Variants in BAZ1B observed in about 807,000 individuals in gnomAD.
BAZ1B encodes bromodomain adjacent to zinc finger domain 1B.
In BAZ1B, 22 loss-of-function variants were observed where a neutral mutation model predicts 153.8. The observed-to-expected ratio is 0.14, with a 90% CI of 0.10 to 0.20. The LOEUF (loss-of-function observed/expected upper bound fraction) is 0.20. Among genes scored for constraint, BAZ1B ranks in the 10% least tolerant of loss-of-function variants. The pLI, the probability that BAZ1B is intolerant of heterozygous loss-of-function variation, is 1.00. For missense variants in BAZ1B, 1,325 were observed against 1,799.3 expected (o/e 0.74, Z 4.77); for synonymous variants, 676 against 633.4 (o/e 1.07, Z -1.01).
chr7:73,444,132 G>A lies in BAZ1B; in HGVS notation c.3845-3C>T, dbSNP rs1330457628. 2 of 1,587,654 alleles carry A rather than the reference G, an allele frequency of 1.3e-6. No individual in the cohort carries two copies. The highest frequency in any genetic ancestry group is 1.7e-6 in the Non-Finnish European group (2 of 1,169,054). On this transcript the variant is annotated splice_polypyrimidine_tract_variant and splice_region_variant and intron_variant, in intron 16 of 19. Transcript: ENST00000339594. Reference sequence around the variant, plus strand: ...CCGGATGGTCTTTCGAGGTCTCACTGAAAGAAAAACTATGGATTCAGCAGA... The same window carrying A: ...CCGGATGGTCTTTCGAGGTCTCACTAAAAGAAAAACTATGGATTCAGCAGA...
chr7:73,477,811 T>C lies in BAZ1B; in HGVS notation c.1650A>G (p.Lys550=), dbSNP rs201081359. Residue 550 remains lysine, a synonymous_variant, in exon 7 of 20, where the codon AAA becomes AAG. Coordinates refer to ENST00000339594, the MANE Select transcript of BAZ1B (RefSeq NM_032408.4). The surrounding 1 kb of genome is among the most constrained non-coding windows in gnomAD (Gnocchi z 5.6). ...TCAACTTCTTTTTCAGCTCCTCCCGTTTCTTTTTCAAATATTCTTTCCGTT... is the reference window on the plus strand; with the variant it reads ...TCAACTTCTTTTTCAGCTCCTCCCGCTTCTTTTTCAAATATTCTTTCCGTT... The part of the protein sequence containing the change: ...EEQRKEYLKK[K]REELKKKLKE... 8 of 1,614,040 alleles carry C rather than the reference T, an allele frequency of 5.0e-6. No individual in the cohort carries two copies. Among genetic ancestry groups the C allele is most frequent in the Non-Finnish European group, 8.5e-7 (1 of 1,180,016 alleles).
chr7:73,483,994 G>A (rs73134942), intron 6 of BAZ1B, among the ~76,000 whole-genome samples: 7,390 of 152,266 alleles, frequency 0.049, 208 homozygotes, highest in Non-Finnish European at 0.065. Context: ...CAGGCCGGGT[G>A]TGGTGGCTCA....
rs1554570057 is a variant in BAZ1B, at chr7:73,459,600, T to G, written c.3368A>C (p.Gln1123Pro). The change falls in exon 13 of 20, where the codon CAA (glutamine) becomes CCA (proline). Residue 1123 changes from glutamine (Q) to proline (P), a missense_variant. This residue lies in a region of BAZ1B where 431 missense variants were observed against 563.5 expected (regional missense o/e 0.76). Coordinates refer to ENST00000339594, the MANE Select transcript of BAZ1B (RefSeq NM_032408.4). ...MAPKQKRRKL[Q>P]SEDSAKTEEV... ...CTCAGTTTTTGCTGAATCTTCACTTTGGAGTTTTCTTCTCTTTTGCTTGGG... is the reference window on the plus strand; with the variant it reads ...CTCAGTTTTTGCTGAATCTTCACTTGGGAGTTTTCTTCTCTTTTGCTTGGG... The G allele has an allele frequency of 6.2e-7, 1 of 1,614,038 alleles. No homozygotes were observed. Among genetic ancestry groups the G allele is most frequent in the Non-Finnish European group, 8.5e-7 (1 of 1,180,042 alleles).
chr7:73,444,019 C>A lies in BAZ1B; in HGVS notation c.3955G>T (p.Ala1319Ser). Residue 1319 changes from alanine (A) to serine (S), a missense_variant, in exon 17 of 20, where the codon GCA becomes TCA. Around this residue, in one of 9 missense-constraint regions of BAZ1B, gnomAD observed 271 missense variants for 337.2 expected, o/e 0.80. Coordinates refer to ENST00000339594, the MANE Select transcript of BAZ1B (RefSeq NM_032408.4). Reference sequence around the variant, plus strand: ...ACCTCAGCATCATCCACAGGTGGTGCCTTGGGCTGAGACCTCCTGGTAGAG... The same window carrying A: ...ACCTCAGCATCATCCACAGGTGGTGACTTGGGCTGAGACCTCCTGGTAGAG... ...PHSTRRSQPK[A>S]PPVDDAEVDE... is the part of the protein sequence containing the mutation. The A allele has an allele frequency of 1.2e-6, 2 of 1,613,810 alleles. No homozygotes were observed. Among genetic ancestry groups the A allele is most frequent in the Non-Finnish European group, 1.7e-6 (2 of 1,179,896 alleles).
chr7:73,497,113 C>T (rs1554576485), intron 4 of BAZ1B, among the ~76,000 whole-genome samples: 1 of 140,792 alleles, frequency 7.1e-6, no homozygotes, highest in Non-Finnish European at 1.5e-5. Context: ...TGTGGTGGTG[C>T]ATGCCTACGG....
chr7:73,509,229 G>A (rs150458175), intron 2 of BAZ1B, among the ~76,000 whole-genome samples: 143 of 151,976 alleles, frequency 9.4e-4, no homozygotes, highest in Non-Finnish European at 1.7e-3. Context: ...GGCTGAGGCA[G>A]GAGAATCACT....
chr7:73,493,803 C>A (rs1789754557), intron 4 of BAZ1B, among the ~76,000 whole-genome samples: 2 of 145,304 alleles, frequency 1.4e-5, no homozygotes, highest in Non-Finnish European at 3.0e-5. Flanking sequence ...CTTGCGACTG[C>A]ACTCCACACT....
Position 73,522,169 on chromosome 7 carries a change from C to A in BAZ1B, c.-236G>T, listed in dbSNP as rs1791088821. The A allele has an allele frequency of 5.1e-6, 2 of 395,386 alleles. No homozygotes were observed. Among genetic ancestry groups the A allele is most frequent in the South Asian group, 2.6e-4 (2 of 7,830 alleles). The allele number at this position is 395,386 out of a possible 1,614,324, so 24.5% of individuals were successfully genotyped here. ...ACCGCCGCGCCTCCCAGCAGCCCCCCGCCGACCTCCGCTTCGGGTCCCGGC... is the reference window on the plus strand; with the variant it reads ...ACCGCCGCGCCTCCCAGCAGCCCCCAGCCGACCTCCGCTTCGGGTCCCGGC... On this transcript the variant is annotated 5_prime_UTR_variant, in exon 1 of 20. Transcript: ENST00000339594.
chr7:73,508,006 A>G (rs1393162022), intron 3 of BAZ1B, among the ~76,000 whole-genome samples: 1 of 151,488 alleles, frequency 6.6e-6, no homozygotes, highest in Non-Finnish European at 1.5e-5. Context: ...AATACAAAAA[A>G]CTAGCCGGGC....
At chr7:73,469,175 T>C (rs564768364) in intron 9 of BAZ1B, among the ~76,000 whole-genome samples, 2 of 150,566 alleles carry the variant, frequency 1.3e-5, no homozygotes, top group East Asian at 3.9e-4. Context: ...CATCTAACAC[T>C]GCCCTTCTTA....
intron 12 of BAZ1B, chr7:73,462,717 C>G (rs1788436086): frequency 1.7e-6 from 1 of 579,690 alleles, no homozygotes; most frequent in African/African-American, 1.9e-5. Context: ...AAGCCAATTA[C>G]TAAGTTTTTC....
intron 1 of BAZ1B, among the ~76,000 whole-genome samples, chr7:73,512,008 A>G (rs1360521138): frequency 2.2e-5 from 3 of 134,708 alleles, no homozygotes; most frequent in Admixed American, 7.8e-5. Context: ...AGCCTGGGTG[A>G]TAAGAGCGAA....
chr7:73,508,514 T>G (rs782515795), intron 2 of BAZ1B, 43 bp from the exon 3 acceptor site: 142 of 1,547,984 alleles, frequency 9.2e-5, no homozygotes, highest in Non-Finnish European at 1.2e-4. Flanking sequence ...CAGAAACACC[T>G]ACCCAGAGAT....
Position 73,477,637 on chromosome 7 carries a change from C to G in BAZ1B, c.1824G>C (p.Gly608=). The part of the protein sequence containing the change: ...TPEGLPNTLF[G]DVAMVVEFLS... Reference sequence around the variant, plus strand: ...AGAATTCCACCACCATGGCCACATCCCCAAACAGCGTGTTGGGCAGCCCTT... The same window carrying G: ...AGAATTCCACCACCATGGCCACATCGCCAAACAGCGTGTTGGGCAGCCCTT... Residue 608 remains glycine, a synonymous_variant, in exon 7 of 20, where the codon GGG becomes GGC. Coordinates refer to ENST00000339594, the MANE Select transcript of BAZ1B (RefSeq NM_032408.4). The surrounding 1 kb of genome is among the most constrained non-coding windows in gnomAD (Gnocchi z 5.6). The G allele has an allele frequency of 1.2e-6, 2 of 1,614,222 alleles. No individual in the cohort carries two copies. Among genetic ancestry groups the G allele is most frequent in the Non-Finnish European group, 1.7e-6 (2 of 1,180,044 alleles).
chr7:73,481,059 T>G (rs1291818970), intron 6 of BAZ1B, among the ~76,000 whole-genome samples: 1 of 152,086 alleles, frequency 6.6e-6, no homozygotes, highest in African/African-American at 2.4e-5. Flanking sequence ...CCCAAGTATC[T>G]GTGATTACAG....
Position 73,500,900 on chromosome 7 carries a change from A to C in BAZ1B, c.370-2202T>G, listed in dbSNP as rs1790103400. ...GCAAAACTCTGTTTATAAAAAAAAA[A>C]AAAAAACAGAGTTCAAACCATTTTT... On this transcript the variant is annotated intron_variant, in intron 3 of 19. Transcript: ENST00000339594. Among the ~76,000 whole-genome samples the C allele has an allele frequency of 2.6e-5, 4 of 151,368 alleles. No homozygotes were observed. In the South Asian group the frequency reaches 8.3e-4, roughly 32 times the overall value.
chr7:73,503,535 G>A (rs1440967746), intron 3 of BAZ1B, among the ~76,000 whole-genome samples: 2 of 151,470 alleles, frequency 1.3e-5, no homozygotes, highest in East Asian at 1.9e-4. Flanking sequence ...CACCATGCAC[G>A]GCCAATTTTT....
Position 73,477,745 on chromosome 7 carries a change from C to T in BAZ1B, c.1716G>A (p.Glu572=). ...AKERREKEML[E]RLEKQKRYED... ...CATACCGCTTCTGTTTTTCTAATCTCTCAAGCATTTCTTTCTCTCTTCGTT... is the reference window on the plus strand; with the variant it reads ...CATACCGCTTCTGTTTTTCTAATCTTTCAAGCATTTCTTTCTCTCTTCGTT... The change falls in exon 7 of 20, where the codon GAG becomes GAA. Residue 572 remains glutamate, a synonymous_variant. Transcript: ENST00000339594. This position sits in a 1 kb window ranked among gnomAD's most constrained non-coding sequence, Gnocchi z 5.6. 3.7e-6 allele frequency: 6 copies of T among 1,614,236 alleles called. No homozygotes were observed. Among genetic ancestry groups the T allele is most frequent in the East Asian group, 2.2e-5 (1 of 44,888 alleles).
chr7:73,486,772 G>A (rs1789428359), intron 6 of BAZ1B, among the ~76,000 whole-genome samples: 1 of 152,158 alleles, frequency 6.6e-6, no homozygotes, highest in Non-Finnish European at 1.5e-5. Flanking sequence ...GGATGGATGG[G>A]TCCTATGTGA....
Sources: allele counts gnomAD v4.1 joint callset (sites outside exome capture counted in the v4.1 genomes callset), GRCh38; gene constraint gnomAD v4.1.1; regional missense constraint gnomAD v4.1.1; non-coding constraint Gnocchi (gnomAD v3.1); transcripts MANE v1.5; gene names NCBI Gene and HGNC (gene_info 2026-07-23, HGNC 2026-07-21).